TMEM67: variants seen among roughly 807,000 people sequenced by gnomAD.
TMEM67 encodes the protein transmembrane protein 67.
TMEM67 carries 124 observed loss-of-function variants against 136.6 expected under a neutral mutation model. The ratio of observed to expected loss-of-function variants is 0.91; its 90% CI spans 0.78 to 1.05. The LOEUF (loss-of-function observed/expected upper bound fraction) is 1.05, where lower values mean the gene tolerates loss of function less well. Ranked by LOEUF, TMEM67 falls within the 50% of genes least tolerant of loss-of-function variation. TMEM67 has a pLI of 0.00. For synonymous variants in TMEM67, 364 were observed against 390.5 expected (o/e 0.93, Z 0.80); for missense variants, 1,107 against 1,178.4 (o/e 0.94, Z 0.89).
intron 13 of TMEM67, 128 bp downstream of exon 13, chr8:93,786,474 G>A (rs1333743997): frequency 3.8e-6 from 4 of 1,052,746 alleles, no homozygotes; most frequent in East Asian, 5.1e-5. Context: ...TTAGGTGTAT[G>A]TGTAGATTGG....
intron 26 of TMEM67, 105 bp downstream of exon 26, chr8:93,809,992 G>A (rs1384431858): frequency 1.8e-5 from 12 of 664,732 alleles, no homozygotes; most frequent in Middle Eastern, 4.2e-4. Flanking sequence ...TTTTTTAGAC[G>A]GCGTCTTGCT....
intron 23 of TMEM67, among the ~76,000 whole-genome samples, chr8:93,805,806 G>A (rs1367870648): frequency 6.6e-6 from 1 of 152,126 alleles, no homozygotes; most frequent in African/African-American, 2.4e-5. Flanking sequence ...AATGTAAGCT[G>A]CCATTATCAG....
Position 93,759,864 on chromosome 8 carries a change from G to T in TMEM67, c.406+1288G>T, listed in dbSNP as rs1182559497. On this transcript the variant is annotated intron_variant, in intron 3 of 27. Coordinates refer to ENST00000453321, the MANE Select transcript of TMEM67 (RefSeq NM_153704.6). The stretch of plus-strand genomic sequence containing the variant: ...GGGTTTCTCCATGTTGGTCAGGCTG[G>T]TCTTGAACTTCCGACCTCAGGTGAT... The T allele has an allele frequency of 4.9e-6, 4 of 815,380 alleles. No homozygotes were observed. In the South Asian group the frequency reaches 6.7e-5, roughly 14 times the overall value. 50.5% of individuals were successfully genotyped at this position (815,380 alleles called of 1,614,324 possible).
intron 3 of TMEM67, chr8:93,759,463 A>G (rs1246051640): frequency 7.1e-6 from 1 of 140,984 alleles, no homozygotes; most frequent in East Asian, 2.0e-4. Context: ...ACCCTGTCTC[A>G]TGAAAAAAAA....
intron 6 of TMEM67, among the ~76,000 whole-genome samples, chr8:93,771,028 AT>A (rs1460848626): frequency 2.1e-4 from 32 of 151,734 alleles, no homozygotes; most frequent in African/African-American, 7.5e-4. Flanking sequence ...AAAAAAAAAA[AT>A]ATTGATTTCT....
At chr8:93,802,276 G>C (rs562574788) in intron 21 of TMEM67, among the ~76,000 whole-genome samples, 96 of 152,286 alleles carry the variant, frequency 6.3e-4, no homozygotes, top group Non-Finnish European at 1.2e-3. Flanking sequence ...AATTGAAGTA[G>C]GTAAGCTCAC....
At chr8:93,770,864 AATTAGCTGGGCGTGGCGGC>A (rs1813296844) in intron 6 of TMEM67, among the ~76,000 whole-genome samples, 1 of 151,982 alleles carries the variant, frequency 6.6e-6, no homozygotes, top group Non-Finnish European at 1.5e-5. Context: ...AAAATACAAA[AATTAGCTGGGCGTGGCGGC>A]AGGCTCCTGT....
chr8:93,800,773 G>A (rs903040742), intron 21 of TMEM67, among the ~76,000 whole-genome samples: 13 of 152,084 alleles, frequency 8.5e-5, no homozygotes, highest in Non-Finnish European at 2.9e-5. Flanking sequence ...ATAGTAATAG[G>A]ACAGACTCTT....
At chr8:93,821,175 C>A (rs1046480364), downstream of TMEM67, among the ~76,000 whole-genome samples, 1 of 152,138 alleles carries the variant, frequency 6.6e-6, no homozygotes, top group Non-Finnish European at 1.5e-5. Flanking sequence ...CACACTTACA[C>A]AAAAATCAAT....
intron 11 of TMEM67, among the ~76,000 whole-genome samples, chr8:93,784,535 A>G (rs1173761294): frequency 6.6e-6 from 1 of 152,238 alleles, no homozygotes; most frequent in African/African-American, 2.4e-5. Flanking sequence ...AAAGAATTGC[A>G]AAGAATGTGA....
chr8:93,772,587 A>C lies in TMEM67; in HGVS notation c.652-2A>C. 1.2e-6 allele frequency: 2 copies of C among 1,610,630 alleles called. No individual in the cohort carries two copies. Among genetic ancestry groups the C allele is most frequent in the Non-Finnish European group, 1.7e-6 (2 of 1,177,470 alleles). On this transcript the variant is annotated splice_acceptor_variant, in intron 6 of 27. Transcript: ENST00000453321. LOFTEE classifies it high-confidence loss of function. ...AAATAAAATGTATCTTTTTGTTTAC[A>C]GGGCATGTCTTTAACTTCAGAATGG...
intron 7 of TMEM67, 31 bp downstream of exon 7, chr8:93,772,682 T>C (rs1195948500): frequency 6.4e-7 from 1 of 1,554,984 alleles, no homozygotes; most frequent in East Asian, 2.3e-5. Flanking sequence ...TAAATTTCAT[T>C]TTATTTTGAA....
intron 15 of TMEM67, among the ~76,000 whole-genome samples, chr8:93,792,492 G>A (rs1394602790): frequency 6.6e-6 from 1 of 151,934 alleles, no homozygotes; most frequent in African/African-American, 2.4e-5. Flanking sequence ...TTATTAAATA[G>A]CATCCATTGA....
chr8:93,800,463 T>C (rs1389741007), intron 21 of TMEM67, among the ~76,000 whole-genome samples: 1 of 152,138 alleles, frequency 6.6e-6, no homozygotes, highest in Non-Finnish European at 1.5e-5. Flanking sequence ...GACTTGAATA[T>C]GGGTGGATTT....
the TMEM67 span, among the ~76,000 whole-genome samples, chr8:93,829,382 C>CTGTGTGTG: frequency 2.9e-5 from 4 of 137,598 alleles, no homozygotes; most frequent in African/African-American, 1.2e-4. Flanking sequence ...CTCTCTCTCT[C>CTGTGTGTG]TGTGTGTGTG....
At chr8:93,767,983 C>T (rs74877024) in intron 6 of TMEM67, among the ~76,000 whole-genome samples, 2,763 of 151,528 alleles carry the variant, frequency 0.018, 83 homozygotes, top group African/African-American at 0.061. Context: ...TCCCTGCCTC[C>T]GCCTCCCAAG....
At chr8:93,808,173 C>G (rs1456157823) in intron 23 of TMEM67, among the ~76,000 whole-genome samples, 2 of 149,226 alleles carry the variant, frequency 1.3e-5, no homozygotes, top group Non-Finnish European at 3.0e-5. Flanking sequence ...TTTATATCAT[C>G]TCCTTTACTC....
chr8:93,788,287 A>C (rs569350941), intron 14 of TMEM67, among the ~76,000 whole-genome samples: 1 of 152,302 alleles, frequency 6.6e-6, no homozygotes, highest in African/African-American at 2.4e-5. Context: ...TTTGTGGGTC[A>C]CGCACAGTGG....
intron 15 of TMEM67, among the ~76,000 whole-genome samples, chr8:93,791,558 C>G (rs527293070): frequency 9.2e-5 from 14 of 152,166 alleles, no homozygotes; most frequent in African/African-American, 2.4e-4. Flanking sequence ...GTTTCAGGAC[C>G]CAATCTAGGG....
Sources: allele counts gnomAD v4.1 joint callset (sites outside exome capture counted in the v4.1 genomes callset), GRCh38; gene constraint gnomAD v4.1.1; transcripts MANE v1.5; gene names NCBI Gene and HGNC (gene_info 2026-07-23, HGNC 2026-07-21).